CLEC16A: variants seen among roughly 807,000 people sequenced by gnomAD.
The protein encoded by CLEC16A is protein CLEC16A.
Under a neutral mutation model 109.5 loss-of-function variants are expected in CLEC16A, and 51 were observed. The observed-to-expected ratio is 0.47, with a 90% CI of 0.37 to 0.59. CLEC16A has a LOEUF of 0.59. Among genes scored for constraint, CLEC16A ranks in the 20% least tolerant of loss-of-function variants. The pLI is 0.00. For missense variants in CLEC16A, 1,339 were observed against 1,394.0 expected, an observed-to-expected ratio of 0.96 and a Z score of 0.63; for synonymous variants, 673 against 564.2, an observed-to-expected ratio of 1.19 and a Z score of -2.73.
chr16:11,022,636 A>C (rs1347818621), intron 12 of CLEC16A, among the ~76,000 whole-genome samples: 2 of 152,082 alleles, frequency 1.3e-5, no homozygotes, highest in Admixed American at 1.3e-4. Flanking sequence ...GCAGTGGCTC[A>C]TGCCTGTAAT....
intron 19 of CLEC16A, among the ~76,000 whole-genome samples, chr16:11,075,624 A>G (rs1327121259): frequency 2.0e-5 from 3 of 151,898 alleles, no homozygotes; most frequent in Non-Finnish European, 2.9e-5. Context: ...TTTTATAGAG[A>G]TGGAGTCTTG....
intron 3 of CLEC16A, among the ~76,000 whole-genome samples, chr16:10,964,306 G>A (rs1411592226): frequency 6.6e-6 from 1 of 152,246 alleles, no homozygotes; most frequent in Non-Finnish European, 1.5e-5. Flanking sequence ...ACCAGCGCCT[G>A]TTTCACTGGA....
chr16:11,156,369 CAA>C (rs1284066021), intron 22 of CLEC16A, among the ~76,000 whole-genome samples: 4 of 53,694 alleles, frequency 7.4e-5, no homozygotes, highest in Non-Finnish European at 3.8e-5. Context: ...GACTCCATCT[CAA>C]AAAAAAAAAA....
chr16:10,978,159 G>A (rs2043124731), intron 8 of CLEC16A, among the ~76,000 whole-genome samples: 1 of 152,208 alleles, frequency 6.6e-6, no homozygotes, highest in South Asian at 2.1e-4. Flanking sequence ...CTGTTAGCAG[G>A]CCCCAGAGGC....
At chr16:10,986,731 A>ATGTGTGTGTG (rs59931468) in intron 10 of CLEC16A, among the ~76,000 whole-genome samples, 4,487 of 150,156 alleles carry the variant, frequency 0.03, 184 homozygotes, top group African/African-American at 0.091. Context: ...TTAAGGCTCA[A>ATGTGTGTGTG]TGTGTGTGTG....
At chr16:11,061,942 C>T (rs1331975666) in intron 19 of CLEC16A, among the ~76,000 whole-genome samples, 4 of 152,184 alleles carry the variant, frequency 2.6e-5, no homozygotes, top group Non-Finnish European at 4.4e-5. Flanking sequence ...TGGCCTTCAG[C>T]AGCCCCAAGA....
At chr16:11,006,177 G>A (rs2044995691) in intron 11 of CLEC16A, among the ~76,000 whole-genome samples, 1 of 151,996 alleles carries the variant, frequency 6.6e-6, no homozygotes, top group Admixed American at 6.6e-5. Context: ...GAAGTCCTGG[G>A]GCCAATGCTT....
At chr16:11,017,812 A>C (rs1189312569) in intron 11 of CLEC16A, among the ~76,000 whole-genome samples, 2 of 151,966 alleles carry the variant, frequency 1.3e-5, no homozygotes, top group Non-Finnish European at 2.9e-5. Context: ...CCTGACCAGT[A>C]CTCCTCAAAA....
At position 11,176,365 on chromosome 16, in the gene CLEC16A, G is replaced by A. The variant is rs929895037; in HGVS notation, c.2807-1970G>A. ...ATGCCCATTGCCACCCTCCCAGAGCGAGGACCAAAGCCTCATGCAGTGGTT... is the reference window on the plus strand; with the variant it reads ...ATGCCCATTGCCACCCTCCCAGAGCAAGGACCAAAGCCTCATGCAGTGGTT... On this transcript the variant is annotated intron_variant, in intron 23 of 23. Coordinates refer to ENST00000409790, the MANE Select transcript of CLEC16A (RefSeq NM_015226.3). Among the ~76,000 whole-genome samples, 4 of 152,194 alleles carry A rather than the reference G, an allele frequency of 2.6e-5. No individual in the cohort carries two copies. In the East Asian group the frequency reaches 5.8e-4, roughly 22 times the overall value.
At chr16:11,123,972 A>G (rs572559630) in intron 21 of CLEC16A, 26 bp downstream of exon 21, 1 of 1,569,006 alleles carries the variant, frequency 6.4e-7, no homozygotes, top group East Asian at 2.4e-5. Context: ...CTGGCAGGGC[A>G]TCCTCTGAGC....
At chr16:11,111,075 T>C (rs2051553797) in intron 19 of CLEC16A, among the ~76,000 whole-genome samples, 1 of 152,068 alleles carries the variant, frequency 6.6e-6, no homozygotes. Flanking sequence ...TCTAGGCCAG[T>C]CTTCTGAGAT....
At chr16:10,956,259 C>A (rs1168263692) in intron 1 of CLEC16A, among the ~76,000 whole-genome samples, 1 of 152,210 alleles carries the variant, frequency 6.6e-6, no homozygotes, top group Non-Finnish European at 1.5e-5. Context: ...TATACTAGGT[C>A]TTTAAAGCAT....
At chr16:10,964,833 G>T (rs530092148) in intron 3 of CLEC16A, among the ~76,000 whole-genome samples, 67 of 152,326 alleles carry the variant, frequency 4.4e-4, no homozygotes, top group African/African-American at 1.5e-3. Flanking sequence ...CGGCAATCAA[G>T]TGAATTAACA....
chr16:10,968,637 G>C (rs1036265721), intron 3 of CLEC16A, among the ~76,000 whole-genome samples: 2 of 152,178 alleles, frequency 1.3e-5, no homozygotes, highest in South Asian at 2.1e-4. Context: ...TCATGTGATG[G>C]TTAATGGTCA....
At chr16:10,950,902 A>G (rs1355581527) in intron 1 of CLEC16A, among the ~76,000 whole-genome samples, 2 of 152,200 alleles carry the variant, frequency 1.3e-5, no homozygotes, top group East Asian at 1.9e-4. Context: ...GTACATTTCA[A>G]AATCTTGAAG....
At chr16:11,054,702 C>T (rs1366980426) in intron 18 of CLEC16A, among the ~76,000 whole-genome samples, 2 of 152,186 alleles carry the variant, frequency 1.3e-5, no homozygotes, top group African/African-American at 4.8e-5. Context: ...TGGCTTTGGC[C>T]ACTCATCTCA....
intron 3 of CLEC16A, among the ~76,000 whole-genome samples, chr16:10,967,022 C>T (rs554795778): frequency 2.0e-5 from 3 of 152,310 alleles, no homozygotes; most frequent in South Asian, 4.1e-4. Context: ...TGACTCCTTG[C>T]TTGGAGGGAT....
At chr16:11,039,969 C>T in intron 14 of CLEC16A, 93 bp downstream of exon 14, 1 of 1,455,638 alleles carries the variant, frequency 6.9e-7, no homozygotes, top group African/African-American at 1.4e-5. Context: ...TAGGCCTGAG[C>T]CTTCTGAGAA....
chr16:11,149,286 C>T (rs1006005565), intron 22 of CLEC16A, among the ~76,000 whole-genome samples: 1 of 152,166 alleles, frequency 6.6e-6, no homozygotes, highest in Non-Finnish European at 1.5e-5. Flanking sequence ...TTTGCTATTA[C>T]TGCAGACCCG....
Sources: allele counts gnomAD v4.1 joint callset (sites outside exome capture counted in the v4.1 genomes callset), GRCh38; gene constraint gnomAD v4.1.1; transcripts MANE v1.5; gene names NCBI Gene and HGNC (gene_info 2026-07-23, HGNC 2026-07-21).